PUDP: variants seen among roughly 807,000 people sequenced by gnomAD.
PUDP encodes pseudouridine 5'-phosphatase.
A neutral mutation model predicts 9.4 loss-of-function variants in PUDP; 8 were observed. The observed-to-expected ratio is 0.85, with a 90% confidence interval of 0.50 to 1.53. The LOEUF (loss-of-function observed/expected upper bound fraction) is 1.53. Ranked by LOEUF, PUDP falls within the 40% of genes most tolerant of loss-of-function variation. PUDP has a pLI of 0.00. For missense variants in PUDP, 188 were observed against 189.7 expected (o/e 0.99, Z 0.05); for synonymous variants, 99 against 80.7 (o/e 1.23, Z -1.22).
intron 1 of PUDP, among the ~76,000 whole-genome samples, chrX:7,133,639 A>G (rs1019833859): frequency 9.0e-6 from 1 of 111,715 alleles, no homozygotes; most frequent in African/African-American, 3.3e-5. Flanking sequence ...GAGTTCGGCA[A>G]ACACAGCCCA....
At chrX:7,093,210 T>C (rs1366653763) in intron 2 of PUDP, among the ~76,000 whole-genome samples, 1 of 111,266 alleles carries the variant, frequency 9.0e-6, no homozygotes, top group Non-Finnish European at 1.9e-5. Context: ...TCTGCCTCTA[T>C]GGATTTGACA....
intron 3 of PUDP, among the ~76,000 whole-genome samples, chrX:6,729,439 C>A (rs986211566): frequency 4.5e-5 from 5 of 112,229 alleles, no homozygotes; most frequent in African/African-American, 1.6e-4. Context: ...GCTCTGACCA[C>A]CTTGGGCACA....
chrX:6,838,486 T>C (rs1201962178), intron 3 of PUDP, among the ~76,000 whole-genome samples: 2 of 112,151 alleles, frequency 1.8e-5, no homozygotes, highest in East Asian at 5.6e-4. Flanking sequence ...GGCAGATGGG[T>C]GTGGGTATGA....
chrX:6,893,271 T>C (rs1171440844), intron 3 of PUDP, among the ~76,000 whole-genome samples: 1 of 111,789 alleles, frequency 8.9e-6, no homozygotes. Flanking sequence ...AACCCGATTT[T>C]GGAGGAAGAG....
intron 2 of PUDP, among the ~76,000 whole-genome samples, chrX:7,096,012 C>A (rs770878320): frequency 6.1e-4 from 68 of 112,150 alleles, no homozygotes; most frequent in Non-Finnish European, 1.1e-3. Context: ...CTTCTGGAAG[C>A]TGTCCTTGAC....
intron 3 of PUDP, among the ~76,000 whole-genome samples, chrX:6,738,302 T>C (rs1396305615): frequency 8.9e-6 from 1 of 111,734 alleles, no homozygotes; most frequent in East Asian, 2.8e-4. Flanking sequence ...ATGGAATCTG[T>C]TGGTGCCATG....
At chrX:6,777,446 A>G (rs1322642048) in intron 3 of PUDP, among the ~76,000 whole-genome samples, 2 of 112,027 alleles carry the variant, frequency 1.8e-5, no homozygotes, top group Non-Finnish European at 3.8e-5. Flanking sequence ...GGCTTTCATC[A>G]GCCTGACCTA....
intron 1 of PUDP, among the ~76,000 whole-genome samples, chrX:7,129,978 A>G (rs1023701992): frequency 8.9e-6 from 1 of 111,740 alleles, no homozygotes; most frequent in Non-Finnish European, 1.9e-5. Flanking sequence ...TTCCATGTTT[A>G]TCCCCGGCAT....
chrX:7,126,352 A>G (rs2146921549), intron 1 of PUDP, among the ~76,000 whole-genome samples: 1 of 111,853 alleles, frequency 8.9e-6, no homozygotes, highest in Admixed American at 9.5e-5. Context: ...ACCTTCCTGG[A>G]AAGGTCTGCC....
At chrX:6,855,719 T>G (rs142940357) in intron 3 of PUDP, among the ~76,000 whole-genome samples, 1,692 of 111,956 alleles carry the variant, frequency 0.015, 13 homozygotes, top group Middle Eastern at 0.028. Flanking sequence ...GCAATGAGTC[T>G]AAAAATTCTG....
chrX:7,073,930 T>C lies in PUDP; in HGVS notation c.510+3290A>G, dbSNP rs1204982602. The stretch of plus-strand genomic sequence containing the variant: ...AACATTGTCAATGAGAACACCAAGA[T>C]GTTAAAACACAATTCATTCCATGGG... On this transcript the variant is annotated intron_variant, in intron 3 of 3. Transcript: ENST00000381077. 9.7e-5 allele frequency among the ~76,000 whole-genome samples: 11 copies of C among 112,913 alleles called. No homozygotes were observed. In the Admixed American group the frequency reaches 1.0e-3, roughly 11 times the overall value.
At chrX:6,929,094 C>T (rs1479002995) in intron 3 of PUDP, among the ~76,000 whole-genome samples, 2 of 112,294 alleles carry the variant, frequency 1.8e-5, no homozygotes, top group African/African-American at 6.5e-5. Context: ...GGCAATACCA[C>T]ATTACACAGG....
chrX:6,732,776 T>C (rs780762934), intron 3 of PUDP, among the ~76,000 whole-genome samples: 6 of 111,630 alleles, frequency 5.4e-5, no homozygotes, highest in African/African-American at 1.3e-4. Flanking sequence ...TTGTATGTAA[T>C]CTGAGGTCTC....
intron 3 of PUDP, among the ~76,000 whole-genome samples, chrX:6,757,928 T>C (rs1925187429): frequency 8.9e-6 from 1 of 112,215 alleles, no homozygotes; most frequent in Non-Finnish European, 1.9e-5. Flanking sequence ...ACCCAATGCT[T>C]CAACGTGTGA....
At chrX:6,777,151 T>A (rs1292957866) in intron 3 of PUDP, among the ~76,000 whole-genome samples, 1 of 112,144 alleles carries the variant, frequency 8.9e-6, no homozygotes, top group African/African-American at 3.2e-5. Flanking sequence ...CCAGGAGAAA[T>A]AGATGCTATA....
intron 3 of PUDP, among the ~76,000 whole-genome samples, chrX:6,952,503 C>T (rs1256225647): frequency 2.7e-5 from 3 of 111,917 alleles, no homozygotes; most frequent in Non-Finnish European, 5.6e-5. Context: ...GACACTGTTA[C>T]AATTAGTCAC....
intron 3 of PUDP, among the ~76,000 whole-genome samples, chrX:6,925,954 T>C (rs1381464733): frequency 1.8e-5 from 2 of 111,804 alleles, no homozygotes; most frequent in Non-Finnish European, 3.8e-5. Flanking sequence ...TGGTATCTTA[T>C]TGCCACAAAG....
rs912113851 is a variant in PUDP, at chrX:6,771,252, T to G, written c.*248-64786A>C. On this transcript the variant is annotated intron_variant and NMD_transcript_variant, in intron 3 of 3. Coordinates refer to the PUDP transcript ENST00000655425. ...CTGCTCCAGAAACCCATTTAATAGATCTACTTCAACACCTGCACGTCCATG... is the reference window on the plus strand; with the variant it reads ...CTGCTCCAGAAACCCATTTAATAGAGCTACTTCAACACCTGCACGTCCATG... 2.7e-5 allele frequency among the ~76,000 whole-genome samples: 3 copies of G among 111,745 alleles called. No individual in the cohort carries two copies. In the Admixed American group the frequency reaches 2.9e-4, roughly 11 times the overall value.
At chrX:7,067,410 G>A (rs1930593813) in intron 3 of PUDP, among the ~76,000 whole-genome samples, 1 of 111,919 alleles carries the variant, frequency 8.9e-6, no homozygotes, top group Admixed American at 9.5e-5. Flanking sequence ...CATCAAAGGA[G>A]GACAGATTCT....
Sources: allele counts gnomAD v4.1 joint callset (sites outside exome capture counted in the v4.1 genomes callset), GRCh38; gene constraint gnomAD v4.1.1; transcripts MANE v1.5; gene names NCBI Gene and HGNC (gene_info 2026-07-23, HGNC 2026-07-21).